The following BRCA1 variants were observed in gnomAD, a reference collection of about 807,000 sequenced individuals.
BRCA1 encodes the protein BRCA1 DNA repair associated.
In BRCA1, 140 loss-of-function variants were observed where a neutral mutation model predicts 173.7. The ratio of observed to expected loss-of-function variants is 0.81; its 90% CI spans 0.70 to 0.93. The LOEUF is 0.93. Among genes scored for constraint, BRCA1 ranks in the 40% least tolerant of loss-of-function variants. The pLI, the probability that BRCA1 is intolerant of heterozygous loss-of-function variation, is 0.00. For synonymous variants in BRCA1, 662 were observed against 756.0 expected (o/e 0.88, Z 2.04); for missense variants, 1,983 against 2,172.5 (o/e 0.91, Z 1.73).
Position 43,076,624 on chromosome 17 carries a change from G to A in BRCA1, c.4358-10C>T, listed in dbSNP as rs80358111. On this transcript the variant is annotated splice_polypyrimidine_tract_variant and intron_variant, in intron 12 of 22. Coordinates refer to ENST00000357654, the MANE Select transcript of BRCA1 (RefSeq NM_007294.4). ...TGTGAAGTTAATACTGCTTTAAATG[G>A]AATGAGAAAACAAATCTACTTTACT... is the stretch of plus-strand genomic sequence containing the variant. 2.4e-4 allele frequency: 390 copies of A among 1,612,410 alleles called. No homozygotes were observed. The highest frequency in any genetic ancestry group is 1.1e-3 in the Admixed American group (66 of 59,972).
Position 43,093,414 on chromosome 17 carries a change from G to A in BRCA1, c.2117C>T (p.Pro706Leu), listed in dbSNP as rs759655692. 1 of 1,614,014 alleles carries A rather than the reference G, an allele frequency of 6.2e-7. No homozygotes were observed. The highest frequency in any genetic ancestry group is 1.1e-5 in the South Asian group (1 of 91,078). Residue 706 changes from proline to leucine, a missense_variant, in exon 10 of 23, where the codon CCT (proline) becomes CTT (leucine). Physicochemically the swap from Pro to Leu is moderately conservative, Grantham distance 98 (BLOSUM62 -3). Coordinates refer to ENST00000357654, the MANE Select transcript of BRCA1 (RefSeq NM_007294.4). ...ATTTGAACACTTAGTAAAAGAACCA[G>A]GTGCATTTGTTAACTTCAGCTCTGG... ...TFPELKLTNA[P>L]GSFTKCSNTS...
intron 1 of BRCA1, among the ~76,000 whole-genome samples, chr17:43,142,914 T>TTGTGTGTGTGTGTGTG (rs369108034): frequency 3.6e-5 from 5 of 140,706 alleles, no homozygotes; most frequent in Non-Finnish European, 7.8e-5. Flanking sequence ...CGGCTAATTT[T>TTGTGTGTGTGTGTGTG]TGTGTGTGTG....
At chr17:43,070,230 G>T (rs1319939105) in intron 15 of BRCA1, among the ~76,000 whole-genome samples, 2 of 152,014 alleles carry the variant, frequency 1.3e-5, no homozygotes, top group African/African-American at 4.8e-5. Context: ...ACCATGCCCG[G>T]CCATGCAATT....
At chr17:43,121,232 G>C (rs550533612) in intron 2 of BRCA1, among the ~76,000 whole-genome samples, 22 of 151,636 alleles carry the variant, frequency 1.5e-4, no homozygotes, top group African/African-American at 5.3e-4. Context: ...AAAATTAGCC[G>C]GGCATAGTGG....
At chr17:43,124,665 C>T (rs2055783505) in intron 1 of BRCA1, 1 of 173,978 alleles carries the variant, frequency 5.7e-6, no homozygotes, top group Admixed American at 5.7e-5. Context: ...CCCACAAAAT[C>T]CTGTCTCCTC....
chr17:43,051,257 A>G, intron 19 of BRCA1, 140 bp from the exon 20 acceptor site: 1 of 768,260 alleles, frequency 1.3e-6, no homozygotes, highest in Non-Finnish European at 2.2e-6. Flanking sequence ...CCACCTGATG[A>G]TTTCTGCTGC....
At chr17:43,112,005 A>G (rs1040862985) in intron 3 of BRCA1, among the ~76,000 whole-genome samples, 1 of 152,208 alleles carries the variant, frequency 6.6e-6, no homozygotes, top group Non-Finnish European at 1.5e-5. Flanking sequence ...CTTTCTCATC[A>G]TATAGATCAA....
At chr17:43,137,174 C>T (rs975119242) in intron 1 of BRCA1, among the ~76,000 whole-genome samples, 4 of 150,324 alleles carry the variant, frequency 2.7e-5, no homozygotes, top group Admixed American at 6.7e-5. Context: ...AGCAAACTAT[C>T]GCAAGGACAG....
intron 12 of BRCA1, 64 bp downstream of exon 12, chr17:43,082,340 A>G (rs577478710): frequency 5.9e-6 from 9 of 1,532,172 alleles, no homozygotes; most frequent in East Asian, 2.3e-5. Context: ...TACTCTTCAG[A>G]AGGAGATAAA....
At chr17:43,167,517 G>A (rs775183130) in intron 1 of BRCA1, 3 of 152,198 alleles carry the variant, frequency 2.0e-5, no homozygotes, top group South Asian at 2.1e-4. Flanking sequence ...TCTATACAAT[G>A]TCTGTAATCT....
intron 16 of BRCA1, among the ~76,000 whole-genome samples, chr17:43,066,359 C>T (rs377541153): frequency 2.6e-5 from 4 of 152,198 alleles, no homozygotes; most frequent in Admixed American, 6.5e-5. Flanking sequence ...CTCAACAATA[C>T]TCAAACTAGG....
At chr17:43,156,143 A>G (rs1337789067) in intron 1 of BRCA1, among the ~76,000 whole-genome samples, 7 of 152,086 alleles carry the variant, frequency 4.6e-5, no homozygotes, top group East Asian at 3.9e-4. Context: ...AGGCTGAGGC[A>G]GGAGAATTGC....
At chr17:43,115,162 A>G (rs570318461) in intron 3 of BRCA1, among the ~76,000 whole-genome samples, 1 of 152,302 alleles carries the variant, frequency 6.6e-6, no homozygotes, top group East Asian at 1.9e-4. Context: ...TCACTGATGG[A>G]CACAAAAAAT....
rs547236153 is a variant in BRCA1 at position 43,144,669 on chromosome 17, A to C, written c.-19-20554T>G. The C allele has an allele frequency of 2.2e-3, 397 of 177,152 alleles. 3 individuals are homozygous for C. Among genetic ancestry groups the C allele is most frequent in the African/African-American group, 9.3e-3 (389 of 41,724 alleles). The allele number at this position is 177,152 out of a possible 1,614,324, so 11.0% of individuals were successfully genotyped here. ...GCATAAATATTTAACTACACATTTA[A>C]ATGTCTTACTGCATGGCTAGAATTA... On this transcript the variant is annotated intron_variant, in intron 1 of 7. Coordinates refer to the BRCA1 transcript ENST00000634433.
intron 1 of BRCA1, chr17:43,148,833 T>C (rs1424557019): frequency 5.9e-6 from 1 of 168,170 alleles, no homozygotes; most frequent in Non-Finnish European, 1.5e-5. Context: ...ACAACCACTA[T>C]CTCCAAATCT....
chr17:43,161,304 C>T (rs1361150968), intron 1 of BRCA1: 4 of 152,276 alleles, frequency 2.6e-5, no homozygotes, highest in East Asian at 1.9e-4. Flanking sequence ...GGTATCCCCA[C>T]GAGCCATCTT....
chr17:43,109,361 ATAT>A lies in BRCA1; in HGVS notation c.135-2831_135-2829del, dbSNP rs529795919. Among the ~76,000 whole-genome samples the A allele has an allele frequency of 6.6e-4, 101 of 152,244 alleles. No individual in the cohort carries two copies. The Middle Eastern group carries it at 0.014, about 21-fold the overall frequency. The stretch of plus-strand genomic sequence containing the variant: ...ACACAGTAATTAAGCAATGAAGGTT[ATAT>A]TGGATCCAGAATTGGATTGTAGCAA... On this transcript the variant is annotated intron_variant, in intron 3 of 22. Transcript: ENST00000357654.
At chr17:43,098,679 T>C (rs1273536577) in intron 7 of BRCA1, among the ~76,000 whole-genome samples, 1 of 151,576 alleles carries the variant, frequency 6.6e-6, no homozygotes, top group Non-Finnish European at 1.5e-5. Flanking sequence ...AATGTATTAT[T>C]ATTTTAAAAA....
At chr17:43,090,445 C>T (rs2053406088) in intron 11 of BRCA1, among the ~76,000 whole-genome samples, 1 of 152,210 alleles carries the variant, frequency 6.6e-6, no homozygotes, top group Non-Finnish European at 1.5e-5. Context: ...ACAATCCCAG[C>T]TCAGTGCAAC....
Sources: gnomAD v4.1 joint callset for allele counts (sites outside exome capture counted in the v4.1 genomes callset) on GRCh38, gnomAD v4.1.1 for gene constraint, MANE v1.5 for transcripts, NCBI Gene and HGNC (gene_info 2026-07-23, HGNC 2026-07-21) for gene names.